BCAT1: variants seen among roughly 807,000 people sequenced by gnomAD.
BCAT1 encodes branched chain amino acid transaminase 1.
In BCAT1, 48 loss-of-function variants were observed where a neutral mutation model predicts 52.4. The observed-to-expected ratio is 0.92, with a 90% CI of 0.73 to 1.16. BCAT1 has a LOEUF of 1.16. BCAT1 is among the 50% of genes most tolerant of loss of function. The probability of loss-of-function intolerance (pLI) is 0.00; values close to 1 mark genes in which losing one functional copy is unlikely to be tolerated. For missense variants in BCAT1, 451 were observed against 457.1 expected, an observed-to-expected ratio of 0.99 and a Z score of 0.12; for synonymous variants, 167 against 161.3, an observed-to-expected ratio of 1.04 and a Z score of -0.27.
intron 3 of BCAT1, among the ~76,000 whole-genome samples, chr12:24,886,353 G>T (rs1942662300): frequency 6.6e-6 from 1 of 152,170 alleles, no homozygotes; most frequent in Non-Finnish European, 1.5e-5. Flanking sequence ...AGGAGGTAAA[G>T]GCTGCAGTGA....
chr12:24,867,850 CAA>C (rs1454666912), intron 5 of BCAT1, among the ~76,000 whole-genome samples: 1 of 151,992 alleles, frequency 6.6e-6, no homozygotes, highest in Non-Finnish European at 1.5e-5. Context: ...ACAAAAAATA[CAA>C]AAAGTAGCCG....
At chr12:24,937,286 C>G (rs1943774362) in intron 1 of BCAT1, among the ~76,000 whole-genome samples, 1 of 152,086 alleles carries the variant, frequency 6.6e-6, no homozygotes. Context: ...AGAAGAAGAC[C>G]TTCCAGGCAG....
chr12:24,882,987 T>TA (rs1340029233), intron 3 of BCAT1, among the ~76,000 whole-genome samples: 1 of 151,948 alleles, frequency 6.6e-6, no homozygotes, highest in Non-Finnish European at 1.5e-5. Context: ...CTACTGAAGA[T>TA]AAAAAAGGCA....
At position 24,810,655 on chromosome 12, in the gene BCAT1, C is replaced by G. The variant is rs1167510357; in HGVS notation, c.*7353G>C. The stretch of plus-strand genomic sequence containing the variant: ...CTCTGCGCGTAACTTCTTGAGAGAT[C>G]TGAATAAAGGCCAATATTTTCACAG... On this transcript the variant is annotated 3_prime_UTR_variant, in exon 11 of 11. Coordinates refer to ENST00000261192, the MANE Select transcript of BCAT1 (RefSeq NM_005504.7). 1 of 152,176 alleles carries G rather than the reference C, an allele frequency of 6.6e-6. No homozygotes were observed. Among genetic ancestry groups the G allele is most frequent in the African/African-American group, 2.4e-5 (1 of 41,448 alleles). 9.4% of individuals were successfully genotyped at this position (152,176 alleles called of 1,614,324 possible). A position where few individuals can be genotyped will look rare whatever the true frequency, so the allele number is the denominator to read the frequency against.
At chr12:24,934,995 TTCTC>T (rs1044982848) in intron 1 of BCAT1, among the ~76,000 whole-genome samples, 2 of 152,104 alleles carry the variant, frequency 1.3e-5, no homozygotes, top group Admixed American at 6.5e-5. Context: ...ATTCTTCTTC[TTCTC>T]TCTCTCTCTA....
At chr12:24,871,610 G>A (rs559773020) in intron 5 of BCAT1, among the ~76,000 whole-genome samples, 1 of 152,296 alleles carries the variant, frequency 6.6e-6, no homozygotes, top group East Asian at 1.9e-4. Flanking sequence ...TGAGAGTGGT[G>A]AATGAAGATA....
intron 3 of BCAT1, among the ~76,000 whole-genome samples, chr12:24,887,010 C>A (rs1444732014): frequency 7.5e-6 from 1 of 134,130 alleles, no homozygotes; most frequent in Non-Finnish European, 1.5e-5. Flanking sequence ...TTACAGTGAG[C>A]CAAGATCACA....
At chr12:24,924,980 A>G (rs750569105) in intron 1 of BCAT1, among the ~76,000 whole-genome samples, 6 of 152,240 alleles carry the variant, frequency 3.9e-5, no homozygotes, top group South Asian at 2.1e-4. Flanking sequence ...ATTCAAAAAC[A>G]GTTGTTTTTT....
At chr12:24,898,519 A>AATTTTTTTTTT (rs1591853913) in intron 2 of BCAT1, among the ~76,000 whole-genome samples, 2 of 24,048 alleles carry the variant, frequency 8.3e-5, no homozygotes, top group Admixed American at 5.5e-4. Flanking sequence ...TTCAGTCAAC[A>AATTTTTTTTTT]CTTTTTTTTT....
rs1201614031 is a variant in BCAT1 at position 24,842,197 on chromosome 12, T to C, written c.702A>G (p.Gln234=). 3.7e-6 allele frequency: 6 copies of C among 1,613,768 alleles called. No individual in the cohort carries two copies. Among genetic ancestry groups the C allele is most frequent in the Non-Finnish European group, 5.1e-6 (6 of 1,179,832 alleles). The part of the protein sequence containing the change: ...GGNYGSSLFA[Q]CEAVDNGCQQ... ...GACACCCATTATCTACTGCTTCACATTGGGCAAAAAGAGATGAGCCGTAAT... is the reference window on the plus strand; with the variant it reads ...GACACCCATTATCTACTGCTTCACACTGGGCAAAAAGAGATGAGCCGTAAT... The change falls in exon 7 of 11, where the codon CAA becomes CAG. Residue 234 remains glutamine, a synonymous_variant. Transcript: ENST00000261192.
chr12:24,903,090 C>A (rs778684450), intron 1 of BCAT1: 698 of 1,369,090 alleles, frequency 5.1e-4, no homozygotes, highest in Non-Finnish European at 5.9e-4. Context: ...GCGCACGGCC[C>A]ATAGGGCGCT....
chr12:24,858,353 A>G (rs1293953354), intron 5 of BCAT1, among the ~76,000 whole-genome samples: 1 of 152,230 alleles, frequency 6.6e-6, no homozygotes, highest in Non-Finnish European at 1.5e-5. Context: ...AATTCATGGG[A>G]CTTTAATAAT....
chr12:24,948,826 C>G, intron 1 of BCAT1, 101 bp downstream of exon 1: 1 of 1,336,054 alleles, frequency 7.5e-7, no homozygotes. Flanking sequence ...ATGGTTGTCT[C>G]GCCTTCCTCC....
intron 1 of BCAT1, among the ~76,000 whole-genome samples, chr12:24,904,980 G>C (rs1253252723): frequency 6.6e-6 from 1 of 152,218 alleles, no homozygotes; most frequent in Admixed American, 6.5e-5. Context: ...AGTGATCCTT[G>C]AGCAGAAATC....
intron 5 of BCAT1, among the ~76,000 whole-genome samples, chr12:24,867,899 G>A (rs539147433): frequency 6.6e-6 from 1 of 152,322 alleles, no homozygotes; most frequent in East Asian, 1.9e-4. Context: ...CAGCTACTCA[G>A]GAGGCTGAGG....
At chr12:24,877,660 T>C (rs11047686) in intron 5 of BCAT1, among the ~76,000 whole-genome samples, 6 of 152,156 alleles carry the variant, frequency 3.9e-5, no homozygotes, top group Admixed American at 2.0e-4. Flanking sequence ...CAAGACCTCA[T>C]GAAAATGAAA....
chr12:24,888,861 T>C lies in BCAT1; in HGVS notation c.279+5414A>G, dbSNP rs76155014. ...TAAAATCAAGCTGCAGACATAGATA[T>C]CCACAGCTGCGTCAATCATGTTCAA... is the stretch of plus-strand genomic sequence containing the variant. On this transcript the variant is annotated intron_variant, in intron 3 of 10. Transcript: ENST00000261192. Among the ~76,000 whole-genome samples, 1,145 of 152,308 alleles carry C rather than the reference T, an allele frequency of 7.5e-3. 9 individuals are homozygous for C. The highest frequency in any genetic ancestry group is 0.027 in the African/African-American group (1,107 of 41,572).
chr12:24,897,987 A>T (rs1002768824), intron 2 of BCAT1, among the ~76,000 whole-genome samples: 2 of 152,222 alleles, frequency 1.3e-5, no homozygotes, highest in Admixed American at 1.3e-4. Flanking sequence ...CTCAAAGAGA[A>T]ATTACCTAAG....
chr12:24,894,200 T>G, intron 3 of BCAT1, 75 bp downstream of exon 3: 1 of 1,438,954 alleles, frequency 6.9e-7, no homozygotes, highest in Non-Finnish European at 9.6e-7. Context: ...CCAAGAGCTA[T>G]TTTAGCAGGA....
Sources: gnomAD v4.1 joint callset for allele counts (sites outside exome capture counted in the v4.1 genomes callset) on GRCh38, gnomAD v4.1.1 for gene constraint, MANE v1.5 for transcripts, NCBI Gene and HGNC (gene_info 2026-07-23, HGNC 2026-07-21) for gene names.